INSR: variants seen among roughly 807,000 people sequenced by gnomAD.
The protein encoded by INSR is IR.
A neutral mutation model predicts 142.6 loss-of-function variants in INSR; 67 were observed. The ratio of observed to expected loss-of-function variants is 0.47; its 90% CI spans 0.39 to 0.58. The LOEUF is 0.58. Among genes scored for constraint, INSR ranks in the 20% least tolerant of loss-of-function variants. The probability of loss-of-function intolerance (pLI) is 0.00; values close to 1 mark genes in which losing one functional copy is unlikely to be tolerated. For synonymous variants in INSR, 756 were observed against 743.1 expected, an observed-to-expected ratio of 1.02 and a Z score of -0.28; for missense variants, 1,248 against 1,833.2, an observed-to-expected ratio of 0.68 and a Z score of 5.83.
Position 7,114,578 on chromosome 19 carries a change from C to G in INSR, c.*2478G>C, listed in dbSNP as rs948131371. ...ATTCGAATCAGCTGATACACACGTT[C>G]CCTGATTCAGACCGGTTCCAGGTAG... On this transcript the variant is annotated 3_prime_UTR_variant, in exon 22 of 22. Coordinates refer to ENST00000302850, the MANE Select transcript of INSR (RefSeq NM_000208.4). 1 of 152,618 alleles carries G rather than the reference C, an allele frequency of 6.6e-6. No homozygotes were observed. The highest frequency in any genetic ancestry group is 1.5e-5 in the Non-Finnish European group (1 of 68,050). The allele number at this position is 152,618 out of a possible 1,614,324, so 9.5% of individuals were successfully genotyped here.
chr19:7,257,116 T>C, intron 2 of INSR, among the ~76,000 whole-genome samples: 1 of 151,890 alleles, frequency 6.6e-6, no homozygotes, highest in Non-Finnish European at 1.5e-5. Context: ...CTAATTTTTG[T>C]ATTTTTAGTA....
intron 13 of INSR, among the ~76,000 whole-genome samples, chr19:7,136,977 C>T (rs1032730640): frequency 6.6e-6 from 1 of 151,608 alleles, no homozygotes; most frequent in Non-Finnish European, 1.5e-5. Flanking sequence ...GGATTACAGG[C>T]GTGCACCACC....
chr19:7,271,238 G>T (rs1967917911), intron 1 of INSR, among the ~76,000 whole-genome samples: 1 of 152,152 alleles, frequency 6.6e-6, no homozygotes, highest in South Asian at 2.1e-4. Context: ...GCTCACACTT[G>T]TAATCCCAGT....
chr19:7,134,104 G>A (rs915015107), intron 13 of INSR, among the ~76,000 whole-genome samples: 63 of 149,908 alleles, frequency 4.2e-4, no homozygotes, highest in African/African-American at 1.5e-3. Flanking sequence ...GCGTGAACCC[G>A]GGAGGCGGAG....
At chr19:7,238,319 A>G (rs1259316798) in intron 2 of INSR, among the ~76,000 whole-genome samples, 1 of 152,098 alleles carries the variant, frequency 6.6e-6, no homozygotes, top group Non-Finnish European at 1.5e-5. Flanking sequence ...CCATTGATGC[A>G]ACAGAAAATG....
At chr19:7,237,247 G>A (rs1478862603) in intron 2 of INSR, among the ~76,000 whole-genome samples, 2 of 151,992 alleles carry the variant, frequency 1.3e-5, no homozygotes, top group Admixed American at 6.6e-5. Flanking sequence ...GGCCAGACGC[G>A]GTGGCTCACG....
At chr19:7,139,452 C>T (rs972261108) in intron 13 of INSR, among the ~76,000 whole-genome samples, 3 of 152,160 alleles carry the variant, frequency 2.0e-5, no homozygotes, top group Non-Finnish European at 4.4e-5. Flanking sequence ...AGATTAAATT[C>T]TATCTAGCAA....
chr19:7,267,192 A>T lies in INSR; in HGVS notation c.652+153T>A, dbSNP rs975429006. ...ATCTACTATCTGAGTCTTTACAGAAAATGTCTGCCACTCCCTGGGCTAGTG... is the reference window on the plus strand; with the variant it reads ...ATCTACTATCTGAGTCTTTACAGAATATGTCTGCCACTCCCTGGGCTAGTG... On this transcript the variant is annotated intron_variant, in intron 2 of 21. Transcript: ENST00000302850. This position sits in a 1 kb window ranked among gnomAD's most constrained non-coding sequence, Gnocchi z 6.3. 1.3e-5 allele frequency among the ~76,000 whole-genome samples: 2 copies of T among 152,092 alleles called. No homozygotes were observed. Among genetic ancestry groups the T allele is most frequent in the Non-Finnish European group, 2.9e-5 (2 of 68,020 alleles).
Position 7,230,805 on chromosome 19 carries a change from C to CAA in INSR, c.652+36538_652+36539dup, listed in dbSNP as rs1491540793. 5.3e-3 allele frequency among the ~76,000 whole-genome samples: 312 copies of CAA among 58,490 alleles called. 9 individuals carry two copies. The highest frequency in any genetic ancestry group is 0.014 in the African/African-American group (247 of 17,370). The allele number at this position is 58,490 out of a possible 152,430, so 38.4% of individuals were successfully genotyped here. ...CCTGGGTGACAGTGAGACTCCATCT[C>CAA]AAAAATAAAAAAAAAATAAAAAATA... On this transcript the variant is annotated intron_variant, in intron 2 of 21. Transcript: ENST00000302850.
At chr19:7,269,376 AAC>A (rs60776874) in intron 1 of INSR, among the ~76,000 whole-genome samples, 7,946 of 134,374 alleles carry the variant, frequency 0.059, 255 homozygotes, top group East Asian at 0.086. Context: ...AAGTCGAGAA[AAC>A]ACACACACAC....
At chr19:7,293,748 C>G (rs1968559548) in intron 1 of INSR, 44 bp downstream of exon 1, 1 of 1,304,988 alleles carries the variant, frequency 7.7e-7, no homozygotes, top group East Asian at 3.3e-5. Context: ...GGGTCCTCTC[C>G]CCATCGCGGC....
intron 1 of INSR, among the ~76,000 whole-genome samples, chr19:7,272,031 G>A (rs548577974): frequency 7.2e-5 from 11 of 151,864 alleles, no homozygotes; most frequent in African/African-American, 2.7e-4. Flanking sequence ...CAGGCTGGCC[G>A]CAGTGGCTCA....
In INSR at chr19:7,294,319, G is replaced by T. The variant is rs1270756340; in HGVS notation, c.-428C>A. Among the ~76,000 whole-genome samples, 7 of 151,176 alleles carry T rather than the reference G, an allele frequency of 4.6e-5. No individual in the cohort carries two copies. The East Asian group carries it at 1.2e-3, about 25-fold the overall frequency. ...GCGGGCACCTGGGCTGGCGGGTGGC[G>T]GGCGGGCGGCGGGAGAGAGGGCTGC... On this transcript the variant is annotated 5_prime_UTR_variant, in exon 1 of 22. Transcript: ENST00000302850.
At chr19:7,148,495 T>TTTTTTTTTTTTTG (rs1973236546) in intron 11 of INSR, among the ~76,000 whole-genome samples, 1 of 145,250 alleles carries the variant, frequency 6.9e-6, no homozygotes, top group Admixed American at 6.9e-5. Context: ...TTTTTTTTTT[T>TTTTTTTTTTTTTG]GAGACAGAGT....
At position 7,126,567 on chromosome 19, in the gene INSR, G is replaced by T. The variant is rs753735983; in HGVS notation, c.3013+17C>A. On this transcript the variant is annotated intron_variant, in intron 16 of 21. Transcript: ENST00000302850. Reference sequence around the variant, plus strand: ...GAGTAGGGTTCTGGCCACCCACAGGGAAGGGATGGTACTCACCATCACTGG... The same window carrying T: ...GAGTAGGGTTCTGGCCACCCACAGGTAAGGGATGGTACTCACCATCACTGG... The T allele has an allele frequency of 1.9e-6, 3 of 1,551,132 alleles. No individual in the cohort carries two copies. The highest frequency in any genetic ancestry group is 3.9e-5 in the Admixed American group (2 of 51,322).
chr19:7,210,357 A>AAAC (rs1975239800), intron 2 of INSR, among the ~76,000 whole-genome samples: 1 of 151,274 alleles, frequency 6.6e-6, no homozygotes, highest in Non-Finnish European at 1.5e-5. Flanking sequence ...AAAAAAAAAA[A>AAAC]AGTAAACAAG....
intron 2 of INSR, among the ~76,000 whole-genome samples, chr19:7,260,565 T>C (rs1245775302): frequency 6.6e-6 from 1 of 152,184 alleles, no homozygotes; most frequent in Non-Finnish European, 1.5e-5. Flanking sequence ...TACATGTTCC[T>C]CTGCCTGCCT....
intron 9 of INSR, among the ~76,000 whole-genome samples, chr19:7,158,324 C>A (rs549439335): frequency 2.0e-5 from 3 of 151,732 alleles, no homozygotes; most frequent in African/African-American, 7.3e-5. Flanking sequence ...CATGGTGAAA[C>A]CCCGTCTCTA....
chr19:7,130,258 A>C (rs959397091), intron 14 of INSR, among the ~76,000 whole-genome samples: 2 of 152,216 alleles, frequency 1.3e-5, no homozygotes, highest in African/African-American at 4.8e-5. Flanking sequence ...CTTTGCAGCA[A>C]CATGAATGGA....
Sources: allele counts gnomAD v4.1 joint callset (sites outside exome capture counted in the v4.1 genomes callset), GRCh38; gene constraint gnomAD v4.1.1; non-coding constraint Gnocchi (gnomAD v3.1); transcripts MANE v1.5; gene names NCBI Gene and HGNC (gene_info 2026-07-23, HGNC 2026-07-21).